The following PLCL2 variants were observed in gnomAD, a reference collection of about 807,000 sequenced individuals.
PLCL2 encodes phospholipase C like 2.
Under a neutral mutation model 79.6 loss-of-function variants are expected in PLCL2, and 4 were observed. The observed-to-expected ratio is 0.05, with a 90% CI of 0.02 to 0.11. The LOEUF is 0.11. Ranked by LOEUF, PLCL2 falls within the 10% of genes least tolerant of loss-of-function variation. PLCL2 has a pLI of 1.00. For synonymous variants in PLCL2, 484 were observed against 457.7 expected (o/e 1.06, Z -0.73); for missense variants, 895 against 1,291.0 (o/e 0.69, Z 4.70).
At chr3:16,942,319 C>G (rs373437114) in intron 1 of PLCL2, among the ~76,000 whole-genome samples, 1 of 152,128 alleles carries the variant, frequency 6.6e-6, no homozygotes, top group African/African-American at 2.4e-5. Context: ...TTAGGGAAAC[C>G]GAGCTCCTAC....
At chr3:17,089,043 C>T (rs1293601484) in intron 5 of PLCL2, among the ~76,000 whole-genome samples, 2 of 152,086 alleles carry the variant, frequency 1.3e-5, no homozygotes. Context: ...CGGCTGCCAG[C>T]ACTTACCAAA....
At position 17,056,348 on chromosome 3, in the gene PLCL2, A is replaced by T. The variant is rs375302178; in HGVS notation, c.3095-11608A>T. 5.9e-5 allele frequency among the ~76,000 whole-genome samples: 9 copies of T among 152,272 alleles called. 1 individual carries two copies. Among genetic ancestry groups the T allele is most frequent in the Admixed American group, 6.5e-5 (1 of 15,290 alleles). ...ACACATGTATGTGTGTATATTAGGT[A>T]TCCTTAGGTTTAATATAAAGTGATT... On this transcript the variant is annotated intron_variant, in intron 4 of 5. Coordinates refer to ENST00000615277, the MANE Select transcript of PLCL2 (RefSeq NM_001144382.2).
intron 1 of PLCL2, among the ~76,000 whole-genome samples, chr3:16,957,915 T>G (rs1322672610): frequency 6.6e-6 from 1 of 152,244 alleles, no homozygotes; most frequent in Admixed American, 6.5e-5. Flanking sequence ...TTTGAGCCTG[T>G]GTGTGTCTCT....
chr3:16,955,981 C>T (rs552490833), intron 1 of PLCL2, among the ~76,000 whole-genome samples: 3,168 of 152,268 alleles, frequency 0.021, 53 homozygotes, highest in South Asian at 0.042. Context: ...CAAACAGGGA[C>T]AATTTGACTT....
At chr3:17,031,366 C>T (rs1022515276) in intron 3 of PLCL2, among the ~76,000 whole-genome samples, 2 of 152,184 alleles carry the variant, frequency 1.3e-5, no homozygotes, top group Non-Finnish European at 2.9e-5. Flanking sequence ...CTCACAGTAC[C>T]TGTTGAAAGT....
chr3:16,940,376 C>CT (rs1697650172), intron 1 of PLCL2, among the ~76,000 whole-genome samples: 1 of 152,130 alleles, frequency 6.6e-6, no homozygotes, highest in Non-Finnish European at 1.5e-5. Flanking sequence ...GTCTCTTTTC[C>CT]TGTGTTCCCA....
chr3:16,920,122 T>A (rs1697089147), intron 1 of PLCL2, among the ~76,000 whole-genome samples: 1 of 152,172 alleles, frequency 6.6e-6, no homozygotes, highest in Admixed American at 6.5e-5. Flanking sequence ...TTGTTAATGG[T>A]ACTGTTTGTG....
intron 5 of PLCL2, among the ~76,000 whole-genome samples, chr3:17,069,441 G>C (rs1317045110): frequency 6.6e-6 from 1 of 152,074 alleles, no homozygotes; most frequent in Non-Finnish European, 1.5e-5. Flanking sequence ...CTTCTCTTTG[G>C]TGGGTCCAGT....
At chr3:16,933,926 GC>G (rs1245044721) in intron 1 of PLCL2, among the ~76,000 whole-genome samples, 1 of 152,108 alleles carries the variant, frequency 6.6e-6, no homozygotes, top group Non-Finnish European at 1.5e-5. Flanking sequence ...AATTAGCCGG[GC>G]ATGATGGTGG....
At position 17,015,516 on chromosome 3, in the gene PLCL2, T is replaced by G. The variant is rs77034033; in HGVS notation, c.3018+605T>G. Among the ~76,000 whole-genome samples, 1,497 of 152,322 alleles carry G rather than the reference T, an allele frequency of 9.8e-3. 28 individuals carry two copies. Among genetic ancestry groups the G allele is most frequent in the African/African-American group, 0.033 (1,385 of 41,566 alleles). Reference sequence around the variant, plus strand: ...CACATCCTGCTCTTACTGTAATTTTTTTATTTATCATAACTCTAAGAGAGA... The same window carrying G: ...CACATCCTGCTCTTACTGTAATTTTGTTATTTATCATAACTCTAAGAGAGA... On this transcript the variant is annotated intron_variant, in intron 3 of 5. Coordinates refer to ENST00000615277, the MANE Select transcript of PLCL2 (RefSeq NM_001144382.2).
At chr3:17,028,538 G>A (rs866149314) in intron 3 of PLCL2, among the ~76,000 whole-genome samples, 2 of 150,610 alleles carry the variant, frequency 1.3e-5, no homozygotes, top group Middle Eastern at 3.4e-3. Context: ...TTGCAGTGAC[G>A]AACTGTTGAC....
At chr3:16,923,322 G>C (rs558540824) in intron 1 of PLCL2, among the ~76,000 whole-genome samples, 3 of 152,236 alleles carry the variant, frequency 2.0e-5, no homozygotes, top group Non-Finnish European at 4.4e-5. Flanking sequence ...TGATCTAGCA[G>C]TGAGGAGAGG....
chr3:16,926,122 G>C (rs1697243794), intron 1 of PLCL2, among the ~76,000 whole-genome samples: 1 of 152,088 alleles, frequency 6.6e-6, no homozygotes, highest in Non-Finnish European at 1.5e-5. Context: ...TTTTTGATCA[G>C]CCTCACCAGA....
chr3:16,999,371 G>A (rs2064184537), intron 1 of PLCL2, among the ~76,000 whole-genome samples: 1 of 152,120 alleles, frequency 6.6e-6, no homozygotes, highest in Admixed American at 6.6e-5. Context: ...TTAGAGTATT[G>A]CAGTGACACA....
intron 4 of PLCL2, among the ~76,000 whole-genome samples, chr3:17,043,794 A>G (rs1301283961): frequency 2.0e-5 from 3 of 152,138 alleles, no homozygotes; most frequent in Non-Finnish European, 4.4e-5. Context: ...TCTAATATCT[A>G]TTGAAAGAGT....
intron 1 of PLCL2, among the ~76,000 whole-genome samples, chr3:16,989,643 C>T (rs2064083979): frequency 6.6e-6 from 1 of 151,546 alleles, no homozygotes; most frequent in African/African-American, 2.4e-5. Context: ...GGCGCTCATA[C>T]ATTTTTGGAC....
intron 1 of PLCL2, among the ~76,000 whole-genome samples, chr3:16,970,976 A>G (rs2063856870): frequency 1.3e-5 from 2 of 151,784 alleles, no homozygotes; most frequent in South Asian, 4.2e-4. Flanking sequence ...TTTATCAGAT[A>G]AGTAGGTTGC....
intron 5 of PLCL2, among the ~76,000 whole-genome samples, chr3:17,080,760 G>T (rs562547637): frequency 6.6e-6 from 1 of 152,258 alleles, no homozygotes; most frequent in South Asian, 2.1e-4. Flanking sequence ...TCATTCTTTT[G>T]TTCACTCATT....
At chr3:16,888,101 T>C (rs536504161) in intron 1 of PLCL2, among the ~76,000 whole-genome samples, 8 of 152,184 alleles carry the variant, frequency 5.3e-5, no homozygotes, top group Non-Finnish European at 1.2e-4. Flanking sequence ...CAGCCCTCTT[T>C]GTTGGAGATC....
Sources: allele counts gnomAD v4.1 joint callset (sites outside exome capture counted in the v4.1 genomes callset), GRCh38; gene constraint gnomAD v4.1.1; transcripts MANE v1.5; gene names NCBI Gene and HGNC (gene_info 2026-07-23, HGNC 2026-07-21).